The following MYO1D variants were observed in gnomAD, a reference collection of about 807,000 sequenced individuals.
MYO1D encodes the protein unconventional myosin-Id.
MYO1D carries 83 observed loss-of-function variants against 122.0 expected under a neutral mutation model. The ratio of observed to expected loss-of-function variants is 0.68; its 90% CI spans 0.57 to 0.82. The LOEUF (loss-of-function observed/expected upper bound fraction) is 0.82, where lower values mean the gene tolerates loss of function less well. MYO1D is among the 40% of genes least tolerant of loss of function. MYO1D has a pLI of 0.00. For synonymous variants in MYO1D, 464 were observed against 446.9 expected, an observed-to-expected ratio of 1.04 and a Z score of -0.48; for missense variants, 1,157 against 1,269.5, an observed-to-expected ratio of 0.91 and a Z score of 1.35.
chr17:32,549,733 G>C (rs781295592), intron 21 of MYO1D, among the ~76,000 whole-genome samples: 1 of 152,140 alleles, frequency 6.6e-6, no homozygotes, highest in Non-Finnish European at 1.5e-5. Flanking sequence ...AATGACTTTT[G>C]TCAAGTCTCT....
intron 1 of MYO1D, among the ~76,000 whole-genome samples, chr17:32,872,878 A>T (rs376286221): frequency 2.6e-5 from 4 of 151,478 alleles, no homozygotes; most frequent in Admixed American, 2.6e-4. Context: ...TTGTATTTTT[A>T]GTAGAGACAG....
rs569141015 is a variant in MYO1D at position 32,702,963 on chromosome 17, G to T, written c.2121+9025C>A. Among the ~76,000 whole-genome samples the T allele has an allele frequency of 4.6e-5, 7 of 152,356 alleles. No individual in the cohort carries two copies. In the South Asian group the frequency reaches 1.0e-3, roughly 23 times the overall value. Reference sequence around the variant, plus strand: ...CAAAGAGTTGACAGTTCTTGCTGCTGTAGAATTCATAAGCTGTAACTGTGA... The same window carrying T: ...CAAAGAGTTGACAGTTCTTGCTGCTTTAGAATTCATAAGCTGTAACTGTGA... On this transcript the variant is annotated intron_variant, in intron 16 of 21. Coordinates refer to ENST00000318217, the MANE Select transcript of MYO1D (RefSeq NM_015194.3).
intron 21 of MYO1D, among the ~76,000 whole-genome samples, chr17:32,522,533 T>C (rs989615956): frequency 3.9e-5 from 6 of 152,170 alleles, no homozygotes; most frequent in Non-Finnish European, 7.3e-5. Flanking sequence ...GTTTCCTAAA[T>C]AGACAGCAGA....
intron 1 of MYO1D, among the ~76,000 whole-genome samples, chr17:32,817,495 C>T (rs768542687): frequency 1.3e-5 from 2 of 152,156 alleles, no homozygotes; most frequent in Non-Finnish European, 2.9e-5. Flanking sequence ...AGTTTAAAAA[C>T]TGGTTTTGTC....
intron 21 of MYO1D, among the ~76,000 whole-genome samples, chr17:32,538,859 C>T (rs767611985): frequency 1.2e-3 from 181 of 152,126 alleles, no homozygotes; most frequent in Admixed American, 1.9e-3. Context: ...GAAAACCAAA[C>T]ACCGCATGTT....
intron 1 of MYO1D, among the ~76,000 whole-genome samples, chr17:32,859,206 C>A (rs953091601): frequency 3.9e-5 from 6 of 152,230 alleles, no homozygotes; most frequent in Admixed American, 1.3e-4. Flanking sequence ...TTGAAAACTT[C>A]TGATTCCAAT....
At chr17:32,628,384 A>G (rs2087955679) in intron 20 of MYO1D, among the ~76,000 whole-genome samples, 1 of 152,186 alleles carries the variant, frequency 6.6e-6, no homozygotes, top group Non-Finnish European at 1.5e-5. Context: ...TGACCATGCC[A>G]TTTGTGAGAA....
chr17:32,559,214 G>A (rs1036581602), intron 21 of MYO1D, among the ~76,000 whole-genome samples: 2 of 152,148 alleles, frequency 1.3e-5, no homozygotes, highest in Admixed American at 6.6e-5. Context: ...AAAAGGGTTT[G>A]TAATCCATAT....
intron 21 of MYO1D, among the ~76,000 whole-genome samples, chr17:32,534,918 T>C (rs961067860): frequency 6.6e-6 from 1 of 152,226 alleles, no homozygotes. Flanking sequence ...AGAGGTGCCA[T>C]TTTAGTCAAT....
chr17:32,571,373 G>C (rs1478048998), intron 21 of MYO1D, among the ~76,000 whole-genome samples: 1 of 152,170 alleles, frequency 6.6e-6, no homozygotes, highest in African/African-American at 2.4e-5. Context: ...CCAAGCATCT[G>C]TTCCTGCTGC....
intron 16 of MYO1D, among the ~76,000 whole-genome samples, chr17:32,692,198 G>C (rs1294451798): frequency 1.3e-5 from 2 of 152,108 alleles, no homozygotes; most frequent in Admixed American, 1.3e-4. Flanking sequence ...TTCTGTTTTA[G>C]GTTAGCAAAA....
intron 20 of MYO1D, among the ~76,000 whole-genome samples, chr17:32,607,347 T>C (rs2087641592): frequency 1.3e-5 from 2 of 151,948 alleles, no homozygotes; most frequent in East Asian, 3.9e-4. Context: ...ATATTAGCAA[T>C]GAAAAATTTG....
At chr17:32,670,206 T>C (rs894585139) in intron 16 of MYO1D, among the ~76,000 whole-genome samples, 1 of 152,168 alleles carries the variant, frequency 6.6e-6, no homozygotes, top group African/African-American at 2.4e-5. Context: ...GAAAGACATT[T>C]TCCTAAACCA....
intron 20 of MYO1D, among the ~76,000 whole-genome samples, chr17:32,607,813 A>C (rs1284335609): frequency 2.0e-5 from 3 of 152,180 alleles, no homozygotes; most frequent in Non-Finnish European, 4.4e-5. Context: ...GAAAAAAAAA[A>C]CATAGATCAG....
At position 32,525,613 on chromosome 17, in the gene MYO1D, C is replaced by T. The variant is rs534340957; in HGVS notation, c.2865-30698G>A. Among the ~76,000 whole-genome samples, 163 of 152,272 alleles carry T rather than the reference C, an allele frequency of 1.1e-3. 1 individual carries two copies. The highest frequency in any genetic ancestry group is 3.8e-3 in the African/African-American group (157 of 41,562). ...CCAAAAGGCCGAGAAGCGATCAGAA[C>T]CCTGCTAGAAAGGAACATTTATTTC... is the stretch of plus-strand genomic sequence containing the variant. On this transcript the variant is annotated intron_variant, in intron 21 of 21. Coordinates refer to ENST00000318217, the MANE Select transcript of MYO1D (RefSeq NM_015194.3).
intron 20 of MYO1D, among the ~76,000 whole-genome samples, chr17:32,627,388 T>G (rs2087942241): frequency 6.6e-6 from 1 of 152,038 alleles, no homozygotes; most frequent in South Asian, 2.1e-4. Context: ...GTAGGGTGCT[T>G]TAGAAATGGT....
chr17:32,697,414 C>T (rs904565871), intron 16 of MYO1D, among the ~76,000 whole-genome samples: 3 of 152,122 alleles, frequency 2.0e-5, no homozygotes, highest in Non-Finnish European at 4.4e-5. Context: ...TCAGTCAAGA[C>T]CAAGCAGCAT....
At chr17:32,653,974 A>G in intron 18 of MYO1D, 27 bp from the exon 19 acceptor site, 1 of 1,561,920 alleles carries the variant, frequency 6.4e-7, no homozygotes, top group Non-Finnish European at 8.8e-7. Context: ...ACAAGACAAA[A>G]TGAGTATGCT....
chr17:32,833,486 T>C lies in MYO1D; in HGVS notation c.95+43292A>G, dbSNP rs188048120. ...AGCCAAATGGTTCCCCTTCAATTTATTCTTAAAACAGCAGCCGGAGTAATT... is the reference window on the plus strand; with the variant it reads ...AGCCAAATGGTTCCCCTTCAATTTACTCTTAAAACAGCAGCCGGAGTAATT... On this transcript the variant is annotated intron_variant, in intron 1 of 21. Transcript: ENST00000318217. Among the ~76,000 whole-genome samples, 52 of 152,316 alleles carry C rather than the reference T, an allele frequency of 3.4e-4. 1 individual carries two copies. The highest frequency in any genetic ancestry group is 3.1e-3 in the South Asian group (15 of 4,826).
Sources: gnomAD v4.1 joint callset for allele counts (sites outside exome capture counted in the v4.1 genomes callset) on GRCh38, gnomAD v4.1.1 for gene constraint, MANE v1.5 for transcripts, NCBI Gene and HGNC (gene_info 2026-07-23, HGNC 2026-07-21) for gene names.